The following PHF20 variants were observed in gnomAD, a reference collection of about 807,000 sequenced individuals.
PHF20 encodes glioma-expressed antigen 2.
A neutral mutation model predicts 113.5 loss-of-function variants in PHF20; 23 were observed. The observed-to-expected ratio is 0.20, with a 90% CI of 0.15 to 0.29. PHF20 has a LOEUF of 0.29. PHF20 is among the 10% of genes least tolerant of loss of function. The pLI is 1.00. For synonymous variants in PHF20, 434 were observed against 457.3 expected, an observed-to-expected ratio of 0.95 and a Z score of 0.65; for missense variants, 943 against 1,219.6, an observed-to-expected ratio of 0.77 and a Z score of 3.38.
intron 9 of PHF20, among the ~76,000 whole-genome samples, chr20:35,881,709 C>T (rs527500233): frequency 8.0e-4 from 122 of 152,140 alleles, no homozygotes; most frequent in African/African-American, 2.7e-3. Context: ...ATTCTATATG[C>T]TTTTTTTGGG....
intron 10 of PHF20, among the ~76,000 whole-genome samples, chr20:35,906,136 C>T (rs1250509522): frequency 6.6e-6 from 1 of 152,226 alleles, no homozygotes; most frequent in African/African-American, 2.4e-5. Flanking sequence ...GTCGTGCTCT[C>T]ACCCTGGGTA....
At chr20:35,772,377 G>A (rs183023148) in intron 1 of PHF20, among the ~76,000 whole-genome samples, 1 of 151,968 alleles carries the variant, frequency 6.6e-6, no homozygotes, top group Non-Finnish European at 1.5e-5. Context: ...CGGGCCCGGG[G>A]CGCGGAGCGG....
chr20:35,803,684 ATG>A lies in PHF20; in HGVS notation c.83+2099_83+2100del, dbSNP rs11472633. Among the ~76,000 whole-genome samples the A allele has an allele frequency of 2.5e-4, 36 of 144,354 alleles. No individual in the cohort carries two copies. The East Asian group carries it at 2.8e-3, about 11-fold the overall frequency. 94.7% of individuals were successfully genotyped at this position (144,354 alleles called of 152,430 possible). On this transcript the variant is annotated intron_variant, in intron 2 of 17. Transcript: ENST00000374012. ...CCTTTTTTGGTTTCAGTATATATATATGTGTGTGTGTGTGTGTGTGTATATAT... is the reference window on the plus strand; with the variant it reads ...CCTTTTTTGGTTTCAGTATATATATATGTGTGTGTGTGTGTGTGTATATAT...
At chr20:35,947,339 CTTCCTCCCT>C in intron 17 of PHF20, 137 bp from the exon 18 acceptor site, 4 of 698,184 alleles carry the variant, frequency 5.7e-6, no homozygotes, top group South Asian at 2.4e-5. Context: ...TGAAATGGCC[CTTCCTCCCT>C]TGCCCCATGG....
At chr20:35,884,691 CA>C (rs1299138835) in intron 9 of PHF20, among the ~76,000 whole-genome samples, 9 of 151,990 alleles carry the variant, frequency 5.9e-5, no homozygotes, top group Non-Finnish European at 5.9e-5. Flanking sequence ...AAAAGAATGA[CA>C]AAAAATAATT....
chr20:35,904,109 A>G (rs1600908477), intron 10 of PHF20, among the ~76,000 whole-genome samples: 1 of 152,040 alleles, frequency 6.6e-6, no homozygotes. Context: ...GAGACGTTTC[A>G]CTGGGAGACG....
rs2054423985 is a variant in PHF20, at chr20:35,871,687, A to G, written c.1140A>G (p.Ser380=). The G allele has an allele frequency of 6.2e-7, 1 of 1,613,282 alleles. No homozygotes were observed. The highest frequency in any genetic ancestry group is 1.7e-5 in the Admixed American group (1 of 59,914). Residue 380 remains serine (S), a synonymous_variant, in exon 9 of 18, where the codon TCA becomes TCG. Coordinates refer to ENST00000374012, the MANE Select transcript of PHF20 (RefSeq NM_016436.5). The stretch of plus-strand genomic sequence containing the variant: ...CTGCTTTGGAAGCTGGCCAGGTCTC[A>G]TCTGCACTGACTTGCCACTCCTTTG... ...LKSALEAGQV[S]SALTCHSFGD... is the part of the protein sequence containing the mutation.
chr20:35,882,700 G>A (rs990012724), intron 9 of PHF20, among the ~76,000 whole-genome samples: 2 of 152,184 alleles, frequency 1.3e-5, no homozygotes, highest in Non-Finnish European at 2.9e-5. Flanking sequence ...GGAGGTGTGA[G>A]TCACTATGCC....
At chr20:35,777,163 G>T (rs1233102610) in intron 1 of PHF20, among the ~76,000 whole-genome samples, 3 of 152,136 alleles carry the variant, frequency 2.0e-5, no homozygotes, top group Admixed American at 2.0e-4. Context: ...TTCAATGTTT[G>T]TGACTTCTCT....
At chr20:35,912,074 G>A (rs141628197) in intron 10 of PHF20, among the ~76,000 whole-genome samples, 14,793 of 151,050 alleles carry the variant, frequency 0.098, 778 homozygotes, top group South Asian at 0.15. Flanking sequence ...TCCGCCTCCC[G>A]TGTTCAAGCG....
At chr20:35,848,643 G>A (rs920433650) in intron 4 of PHF20, among the ~76,000 whole-genome samples, 2 of 151,990 alleles carry the variant, frequency 1.3e-5, no homozygotes, top group East Asian at 3.9e-4. Context: ...AGGATCACTT[G>A]AGGCCAGGAA....
At chr20:35,780,508 G>C (rs2041270019) in intron 1 of PHF20, among the ~76,000 whole-genome samples, 2 of 150,642 alleles carry the variant, frequency 1.3e-5, no homozygotes, top group African/African-American at 4.9e-5. Flanking sequence ...TTACAGGCAT[G>C]AGCCACCATG....
chr20:35,939,223 C>T, intron 16 of PHF20, 115 bp downstream of exon 16: 1 of 1,233,360 alleles, frequency 8.1e-7, no homozygotes, highest in Non-Finnish European at 1.1e-6. Context: ...TTTAAATTTG[C>T]TTACCATAGA....
At chr20:35,817,045 C>T (rs924432009) in intron 2 of PHF20, among the ~76,000 whole-genome samples, 1 of 151,820 alleles carries the variant, frequency 6.6e-6, no homozygotes, top group African/African-American at 2.4e-5. Flanking sequence ...CCTCCTTGTC[C>T]TCCCAAAGTG....
chr20:35,814,201 T>G (rs1033474396), intron 2 of PHF20, among the ~76,000 whole-genome samples: 1 of 151,954 alleles, frequency 6.6e-6, no homozygotes, highest in Non-Finnish European at 1.5e-5. Context: ...AAATGTGAGT[T>G]CACTTTGATA....
rs565748652 is a variant in PHF20 at position 35,899,554 on chromosome 20, G to A, written c.1467G>A (p.Pro489=). Residue 489 remains proline (P), a synonymous_variant, in exon 10 of 18, where the codon CCG becomes CCA. Transcript: ENST00000374012. ...MEKSLEPEES[P]GKRHVQTRGP... is the part of the protein sequence containing the mutation. ...AGTCACTGGAGCCAGAAGAGAGCCCGGGAAAGAGGCATGTCCAAACCAGGG... is the reference window on the plus strand; with the variant it reads ...AGTCACTGGAGCCAGAAGAGAGCCCAGGAAAGAGGCATGTCCAAACCAGGG... 27 of 1,614,032 alleles carry A rather than the reference G, an allele frequency of 1.7e-5. No homozygotes were observed. The highest frequency in any genetic ancestry group is 1.1e-4 in the African/African-American group (8 of 75,014).
At chr20:35,881,430 A>G (rs1384293460) in intron 9 of PHF20, among the ~76,000 whole-genome samples, 3 of 151,312 alleles carry the variant, frequency 2.0e-5, no homozygotes, top group Non-Finnish European at 4.4e-5. Context: ...AATCCCAGCT[A>G]CTTGGGAGGC....
Position 35,899,342 on chromosome 20 carries a change from C to T in PHF20, c.1283-28C>T, listed in dbSNP as rs138182526. ...TAATAACTGGGATAAATACAAGGAA[C>T]CTTTGCTTTTGTTTTTATTTTTTTC... On this transcript the variant is annotated intron_variant, in intron 9 of 17. Coordinates refer to ENST00000374012, the MANE Select transcript of PHF20 (RefSeq NM_016436.5). 4.5e-3 allele frequency: 7,100 copies of T among 1,572,360 alleles called. 26 individuals are homozygous for T. Among genetic ancestry groups the T allele is most frequent in the Non-Finnish European group, 5.3e-3 (6,118 of 1,153,108 alleles).
At chr20:35,907,396 A>G (rs2055219461) in intron 10 of PHF20, among the ~76,000 whole-genome samples, 1 of 151,898 alleles carries the variant, frequency 6.6e-6, no homozygotes, top group Non-Finnish European at 1.5e-5. Context: ...GCAGGAAGTC[A>G]CTCTTTGTCC....
Sources: gnomAD v4.1 joint callset for allele counts (sites outside exome capture counted in the v4.1 genomes callset) on GRCh38, gnomAD v4.1.1 for gene constraint, MANE v1.5 for transcripts, NCBI Gene and HGNC (gene_info 2026-07-23, HGNC 2026-07-21) for gene names.